ZMAT3: variants seen among roughly 807,000 people sequenced by gnomAD.
The protein encoded by ZMAT3 is zinc finger matrin-type 3.
A neutral mutation model predicts 32.3 loss-of-function variants in ZMAT3; 17 were observed. That is an observed-to-expected ratio of 0.53 (90% CI 0.36 to 0.79). The LOEUF (loss-of-function observed/expected upper bound fraction) is 0.79. Ranked by LOEUF, ZMAT3 falls within the 30% of genes least tolerant of loss-of-function variation. The probability of loss-of-function intolerance (pLI) is 0.00; values close to 1 mark genes in which losing one functional copy is unlikely to be tolerated. For synonymous variants in ZMAT3, 120 were observed against 133.1 expected (o/e 0.90, Z 0.68); for missense variants, 329 against 359.7 (o/e 0.91, Z 0.69).
At chr3:179,055,333 C>T (rs1720779906) in intron 2 of ZMAT3, among the ~76,000 whole-genome samples, 2 of 152,144 alleles carry the variant, frequency 1.3e-5, no homozygotes. Context: ...ACAGCTAGAC[C>T]TCTTCTGTAG....
chr3:179,049,991 CAAAAAA>C (rs34239014), intron 2 of ZMAT3, among the ~76,000 whole-genome samples: 22 of 8,144 alleles, frequency 2.7e-3, no homozygotes, highest in Non-Finnish European at 1.7e-3. Flanking sequence ...GACTCCGTCT[CAAAAAA>C]AAAAAAAAAA....
At chr3:179,044,024 T>C (rs184043055) in intron 2 of ZMAT3, among the ~76,000 whole-genome samples, 2 of 152,170 alleles carry the variant, frequency 1.3e-5, no homozygotes, top group Admixed American at 1.3e-4. Flanking sequence ...AAAACCACAA[T>C]GAAGATTCAC....
At position 179,046,962 on chromosome 3, in the gene ZMAT3, G is replaced by A. The variant is rs916458461; in HGVS notation, c.271-15963C>T. ...AAGGACATAAGCTCTTGGGAGCTCT[G>A]GGGCCCCACCCACCGCATGATCATC... On this transcript the variant is annotated intron_variant, in intron 2 of 5. Transcript: ENST00000311417. This position sits in a 1 kb window ranked among gnomAD's most constrained non-coding sequence, Gnocchi z 4.3. Among the ~76,000 whole-genome samples the A allele has an allele frequency of 6.6e-5, 10 of 152,114 alleles. No individual in the cohort carries two copies. The highest frequency in any genetic ancestry group is 2.0e-4 in the Admixed American group (3 of 15,284).
At chr3:179,068,860 A>G (rs1203262297) in intron 1 of ZMAT3, among the ~76,000 whole-genome samples, 1 of 152,206 alleles carries the variant, frequency 6.6e-6, no homozygotes, top group Non-Finnish European at 1.5e-5. Context: ...CAAGAGATTC[A>G]TGGCTTCTCT....
intron 5 of ZMAT3, 68 bp downstream of exon 5, chr3:179,027,355 A>T: frequency 7.2e-7 from 1 of 1,394,446 alleles, no homozygotes; most frequent in Non-Finnish European, 1.0e-6. Flanking sequence ...TATTATCATT[A>T]AAAGAAATAA....
At chr3:179,048,127 A>T (rs975547816) in intron 2 of ZMAT3, among the ~76,000 whole-genome samples, 3 of 152,216 alleles carry the variant, frequency 2.0e-5, no homozygotes, top group Non-Finnish European at 4.4e-5. Context: ...AAGAATTTTT[A>T]AAAAATGAAC....
At chr3:179,030,752 G>A in intron 3 of ZMAT3, 128 bp downstream of exon 3, 1 of 1,392,370 alleles carries the variant, frequency 7.2e-7, no homozygotes, top group Non-Finnish European at 9.6e-7. Flanking sequence ...GTACCAAGCA[G>A]CATCTTTCAG....
At chr3:179,039,971 G>T (rs1226513775) in intron 2 of ZMAT3, among the ~76,000 whole-genome samples, 1 of 152,126 alleles carries the variant, frequency 6.6e-6, no homozygotes. Flanking sequence ...GTGGAAGAAA[G>T]GGTATCAGTG....
intron 1 of ZMAT3, among the ~76,000 whole-genome samples, chr3:179,069,593 C>A (rs1367876242): frequency 6.6e-6 from 1 of 152,048 alleles, no homozygotes; most frequent in African/African-American, 2.4e-5. Context: ...TAAAATGAAT[C>A]AAGTAAATTT....
At chr3:179,050,159 A>C (rs914229148) in intron 2 of ZMAT3, among the ~76,000 whole-genome samples, 37 of 152,046 alleles carry the variant, frequency 2.4e-4, no homozygotes, top group African/African-American at 8.5e-4. Context: ...GAAACAAAAA[A>C]AATACAAAAG....
At chr3:179,062,002 A>C (rs1378313220) in intron 2 of ZMAT3, among the ~76,000 whole-genome samples, 2 of 152,176 alleles carry the variant, frequency 1.3e-5, no homozygotes, top group African/African-American at 4.8e-5. Flanking sequence ...ATGGAGAGGA[A>C]AAAAAAGGTA....
intron 2 of ZMAT3, among the ~76,000 whole-genome samples, chr3:179,049,178 T>C (rs1720406946): frequency 6.6e-6 from 1 of 152,136 alleles, no homozygotes; most frequent in Non-Finnish European, 1.5e-5. Flanking sequence ...TATAAAACAA[T>C]TACTACTAGA....
chr3:179,033,381 G>C (rs1719402410), intron 2 of ZMAT3, among the ~76,000 whole-genome samples: 1 of 152,112 alleles, frequency 6.6e-6, no homozygotes, highest in Non-Finnish European at 1.5e-5. Context: ...CCTCTGCCTA[G>C]GAAAACCAGA....
chr3:179,037,658 G>A (rs187987119), intron 2 of ZMAT3, among the ~76,000 whole-genome samples: 60 of 152,194 alleles, frequency 3.9e-4, no homozygotes, highest in African/African-American at 1.0e-3. Context: ...ACTGAGCAAC[G>A]GGGAAAAAAA....
intron 2 of ZMAT3, among the ~76,000 whole-genome samples, chr3:179,031,264 A>G (rs1225886310): frequency 6.6e-6 from 1 of 152,024 alleles, no homozygotes; most frequent in Non-Finnish European, 1.5e-5. Context: ...CGCATATAGA[A>G]GAGTTCAGAA....
chr3:179,072,112 G>A (rs927444602), upstream of ZMAT3: 1 of 152,526 alleles, frequency 6.6e-6, no homozygotes, highest in Admixed American at 6.5e-5. Context: ...TAGAAGCCTG[G>A]GCAGAGCTTT....
intron 2 of ZMAT3, among the ~76,000 whole-genome samples, chr3:179,036,361 G>T (rs1219218147): frequency 6.6e-6 from 1 of 152,184 alleles, no homozygotes; most frequent in Non-Finnish European, 1.5e-5. Flanking sequence ...CAAGAGTGTG[G>T]TCAGGATGAA....
Position 179,030,956 on chromosome 3 carries a change from T to C in ZMAT3, c.314A>G (p.Asn105Ser). Residue 105 changes from asparagine (N) to serine (S), a missense_variant, in exon 3 of 6, where the codon AAT (asparagine) becomes AGT (serine). Physicochemically the swap from Asn to Ser is conservative, Grantham distance 46. Coordinates refer to ENST00000311417, the MANE Select transcript of ZMAT3 (RefSeq NM_022470.4). Reference protein sequence around the residue: ...GKKLRNYYAANSCPPPARMSN... With the variant: ...GKKLRNYYAASSCPPPARMSN... ...CATTCTAGCAGGAGGAGGACAGCTA[T>C]TTGCTGCATAGTAATTTCGGAGTTT... 6.2e-7 allele frequency: 1 copy of C among 1,613,710 alleles called. No individual in the cohort carries two copies.
chr3:179,064,466 T>C (rs555685264), intron 2 of ZMAT3, among the ~76,000 whole-genome samples: 7 of 152,168 alleles, frequency 4.6e-5, no homozygotes, highest in Non-Finnish European at 1.0e-4. Context: ...TTTGTTGTTG[T>C]CTTTGTTTGC....
Sources: gnomAD v4.1 joint callset for allele counts (sites outside exome capture counted in the v4.1 genomes callset) on GRCh38, gnomAD v4.1.1 for gene constraint, Gnocchi (gnomAD v3.1) non-coding constraint, MANE v1.5 for transcripts, NCBI Gene and HGNC (gene_info 2026-07-23, HGNC 2026-07-21) for gene names.